The following VAV2 variants were observed in gnomAD, a reference collection of about 807,000 sequenced individuals.
VAV2 encodes guanine nucleotide exchange factor VAV2.
A neutral mutation model predicts 132.5 loss-of-function variants in VAV2; 67 were observed. The ratio of observed to expected loss-of-function variants is 0.51; its 90% CI spans 0.42 to 0.62. The LOEUF (loss-of-function observed/expected upper bound fraction) is 0.62. Among genes scored for constraint, VAV2 ranks in the 20% least tolerant of loss-of-function variants. VAV2 has a pLI of 0.00. For missense variants in VAV2, 938 were observed against 1,153.6 expected, an observed-to-expected ratio of 0.81 and a Z score of 2.71; for synonymous variants, 492 against 443.5, an observed-to-expected ratio of 1.11 and a Z score of -1.37.
At chr9:133,858,468 G>A (rs1330083358) in intron 3 of VAV2, among the ~76,000 whole-genome samples, 1 of 152,184 alleles carries the variant, frequency 6.6e-6, no homozygotes, top group Non-Finnish European at 1.5e-5. Flanking sequence ...CACGCCCGAT[G>A]TATCCTGGCT....
intron 1 of VAV2, among the ~76,000 whole-genome samples, chr9:133,982,952 G>A (rs1378518808): frequency 6.6e-6 from 1 of 152,188 alleles, no homozygotes; most frequent in South Asian, 2.1e-4. Flanking sequence ...GACAGAGACC[G>A]TCTGGCTCAA....
chr9:133,775,096 G>A, intron 24 of VAV2, 45 bp from the exon 25 acceptor site: 5 of 1,523,588 alleles, frequency 3.3e-6, no homozygotes, highest in Non-Finnish European at 4.5e-6. Context: ...AGTGAGGACA[G>A]TGTCTGAGGG....
At position 133,775,120 on chromosome 9, in the gene VAV2, C is replaced by T. The variant is rs182815396; in HGVS notation, c.2019-69G>A. The T allele has an allele frequency of 2.4e-5, 32 of 1,344,288 alleles. No individual in the cohort carries two copies. The East Asian group carries it at 3.8e-4, about 16-fold the overall frequency. The allele number at this position is 1,344,288 out of a possible 1,614,324, so 83.3% of individuals were successfully genotyped here. A position where few individuals can be genotyped will look rare whatever the true frequency, so the allele number is the denominator to read the frequency against. On this transcript the variant is annotated intron_variant, in intron 24 of 29. Transcript: ENST00000371850. ...AGTGTCTGAGGGGTGCCCAGCCCTC[C>T]GTGCGTGGCAGGCCACATGAAGTAC...
chr9:133,978,999 C>T (rs1213321237), intron 1 of VAV2, among the ~76,000 whole-genome samples: 1 of 152,212 alleles, frequency 6.6e-6, no homozygotes, highest in Non-Finnish European at 1.5e-5. Context: ...TTTAGGGTCT[C>T]CTCCAGCCAG....
rs117245989 is a variant in VAV2 at position 133,928,407 on chromosome 9, C to T, written c.321+10696G>A. On this transcript the variant is annotated intron_variant, in intron 2 of 29. Coordinates refer to ENST00000371850, the MANE Select transcript of VAV2 (RefSeq NM_001134398.2). The surrounding 1 kb of genome is among the most constrained non-coding windows in gnomAD (Gnocchi z 5.4). The stretch of plus-strand genomic sequence containing the variant: ...GCTCTGCCGGGAGCCTGAGGCAGCT[C>T]CCCACCCCAGCGAGGAGCGACTGCA... Among the ~76,000 whole-genome samples, 672 of 152,292 alleles carry T rather than the reference C, an allele frequency of 4.4e-3. 4 individuals carry two copies. Among genetic ancestry groups the T allele is most frequent in the Admixed American group, 0.014 (219 of 15,302 alleles).
intron 1 of VAV2, among the ~76,000 whole-genome samples, chr9:133,940,925 A>AG (rs1462744777): frequency 7.4e-6 from 1 of 135,808 alleles, no homozygotes; most frequent in Non-Finnish European, 1.6e-5. Context: ...TATAGCTAAA[A>AG]GAAAAAAAAA....
At chr9:133,816,409 G>A (rs767685068) in intron 4 of VAV2, among the ~76,000 whole-genome samples, 12 of 152,160 alleles carry the variant, frequency 7.9e-5, no homozygotes, top group Non-Finnish European at 1.3e-4. Flanking sequence ...AATCTTTGCT[G>A]TCTTTCAATC....
intron 2 of VAV2, among the ~76,000 whole-genome samples, chr9:133,905,443 AAAAAAAAGAAAC>A (rs1839613869): frequency 6.6e-6 from 1 of 151,062 alleles, no homozygotes; most frequent in Non-Finnish European, 1.5e-5. Flanking sequence ...CAAAAAAAAA[AAAAAAAAGAAAC>A]AAAAGAAGAA....
rs1837814819 is a variant in VAV2, at chr9:133,866,733, G to C, written c.322-5301C>G. On this transcript the variant is annotated intron_variant, in intron 2 of 29. Transcript: ENST00000371850. ...AGGCAGGAGAATGGCTTGAACCCAG[G>C]ACGTGGAGGTTCCAGTGGGCCGAGA... Among the ~76,000 whole-genome samples, 3 of 151,054 alleles carry C rather than the reference G, an allele frequency of 2.0e-5. No individual in the cohort carries two copies. The South Asian group carries it at 6.3e-4, about 32-fold the overall frequency.
At chr9:133,792,517 GGTGTGTGTTATT>G (rs370841641) in intron 12 of VAV2, among the ~76,000 whole-genome samples, 21,958 of 148,144 alleles carry the variant, frequency 0.15, 1,662 homozygotes, top group African/African-American at 0.17. Context: ...CGTGTGATTG[GGTGTGTGTTATT>G]GTGTGTGTGT....
At chr9:133,921,073 C>A (rs2132076411) in intron 2 of VAV2, among the ~76,000 whole-genome samples, 1 of 152,328 alleles carries the variant, frequency 6.6e-6, no homozygotes, top group East Asian at 1.9e-4. Context: ...TGCATAATCT[C>A]TGAAGCCGTG....
chr9:133,915,358 G>A lies in VAV2; in HGVS notation c.321+23745C>T, dbSNP rs533289828. 2.0e-5 allele frequency among the ~76,000 whole-genome samples: 3 copies of A among 152,318 alleles called. No homozygotes were observed. The South Asian group carries it at 6.2e-4, about 32-fold the overall frequency. On this transcript the variant is annotated intron_variant, in intron 2 of 29. Transcript: ENST00000371850. ...ACACCCCTCAACCTGATATTTTCAA[G>A]GGGATTCAGCACGATCTGGCGTTCT...
rs1027612071 is a variant in VAV2 at position 133,769,293 on chromosome 9, C to G, written c.2434+124G>C. 1.4e-5 allele frequency: 15 copies of G among 1,073,762 alleles called. No homozygotes were observed. In the African/African-American group the frequency reaches 2.4e-4, roughly 17 times the overall value. The allele number at this position is 1,073,762 out of a possible 1,614,324, so 66.5% of individuals were successfully genotyped here. On this transcript the variant is annotated intron_variant, in intron 28 of 29. Transcript: ENST00000371850. This position sits in a 1 kb window ranked among gnomAD's most constrained non-coding sequence, Gnocchi z 8.1. ...GCCCCTTTCTCCCCTCCACCCAGTG[C>G]CAGACTGCGGACAACTGTGGCCACG...
At position 133,949,986 on chromosome 9, in the gene VAV2, C is replaced by T. The variant is rs1417980021; in HGVS notation, c.205-10767G>A. On this transcript the variant is annotated intron_variant, in intron 1 of 29. Coordinates refer to ENST00000371850, the MANE Select transcript of VAV2 (RefSeq NM_001134398.2). ...ACTTCAAGCGCCCAGCCGGTGAGAA[C>T]CAGCAAGGACCAGCAGCCGTGAAGT... Among the ~76,000 whole-genome samples, 4 of 152,180 alleles carry T rather than the reference C, an allele frequency of 2.6e-5. No individual in the cohort carries two copies. In the East Asian group the frequency reaches 7.7e-4, roughly 29 times the overall value.
chr9:133,984,043 C>T (rs531305924), intron 1 of VAV2, among the ~76,000 whole-genome samples: 1 of 152,282 alleles, frequency 6.6e-6, no homozygotes, highest in East Asian at 1.9e-4. Flanking sequence ...GTGATCTCAG[C>T]TCACTGCAAC....
chr9:133,988,269 G>A (rs773880087), intron 1 of VAV2, among the ~76,000 whole-genome samples: 1 of 151,818 alleles, frequency 6.6e-6, no homozygotes, highest in African/African-American at 2.4e-5. Flanking sequence ...GACACACACC[G>A]TGACAACCCA....
chr9:133,951,273 T>C (rs1457504924), intron 1 of VAV2, among the ~76,000 whole-genome samples: 2 of 152,200 alleles, frequency 1.3e-5, no homozygotes, highest in Admixed American at 1.3e-4. Context: ...AAAACTCTTC[T>C]TAGTCAATTG....
chr9:133,985,227 TG>T (rs1392183010), intron 1 of VAV2, among the ~76,000 whole-genome samples: 64 of 1,382 alleles, frequency 0.046, no homozygotes, highest in Admixed American at 0.13. Flanking sequence ...CTTGCCTTAT[TG>T]TGTGTGTGTG....
At chr9:133,859,492 G>A (rs1433706117) in intron 3 of VAV2, among the ~76,000 whole-genome samples, 1 of 152,268 alleles carries the variant, frequency 6.6e-6, no homozygotes, top group Admixed American at 6.5e-5. Context: ...GGGGTCTGCG[G>A]CACCAGGCCT....
Sources: allele counts gnomAD v4.1 joint callset (sites outside exome capture counted in the v4.1 genomes callset), GRCh38; gene constraint gnomAD v4.1.1; non-coding constraint Gnocchi (gnomAD v3.1); transcripts MANE v1.5; gene names NCBI Gene and HGNC (gene_info 2026-07-23, HGNC 2026-07-21).